The following PRSS23 variants were observed in gnomAD, a reference collection of about 807,000 sequenced individuals.
PRSS23 encodes serine protease 23, also known as protease, serine 23.
A neutral mutation model predicts 34.7 loss-of-function variants in PRSS23; 25 were observed. The observed-to-expected ratio is 0.72, with a 90% CI of 0.53 to 1.01. The LOEUF (loss-of-function observed/expected upper bound fraction) is 1.01. Among genes scored for constraint, PRSS23 ranks in the 50% least tolerant of loss-of-function variants. The pLI, the probability that PRSS23 is intolerant of heterozygous loss-of-function variation, is 0.00. For synonymous variants in PRSS23, 176 were observed against 186.6 expected (o/e 0.94, Z 0.46); for missense variants, 445 against 475.6 (o/e 0.94, Z 0.60).
intron 2 of PRSS23, among the ~76,000 whole-genome samples, chr11:86,875,542 A>G (rs1948717587): frequency 6.6e-6 from 1 of 152,214 alleles, no homozygotes; most frequent in African/African-American, 2.4e-5. Flanking sequence ...TTGTGAGTCT[A>G]TGGCATAAAG....
chr11:86,805,356 G>T (rs180770868), intron 1 of PRSS23, among the ~76,000 whole-genome samples: 1 of 152,336 alleles, frequency 6.6e-6, no homozygotes, highest in African/African-American at 2.4e-5. Context: ...CTCCATTGGA[G>T]AGGAGGACTC....
intron 2 of PRSS23, among the ~76,000 whole-genome samples, chr11:86,826,506 C>A (rs1229506369): frequency 1.3e-5 from 2 of 152,164 alleles, no homozygotes; most frequent in African/African-American, 2.4e-5. Context: ...CCTAATTGCC[C>A]TGGCCAGAAC....
At chr11:86,905,446 G>A (rs1346538400) in intron 2 of PRSS23, among the ~76,000 whole-genome samples, 1 of 152,120 alleles carries the variant, frequency 6.6e-6, no homozygotes, top group East Asian at 1.9e-4. Flanking sequence ...GAGGTGGAGA[G>A]TCATATATGA....
chr11:86,854,629 C>A (rs1292799990), intron 2 of PRSS23, among the ~76,000 whole-genome samples: 19 of 152,152 alleles, frequency 1.2e-4, no homozygotes, highest in Non-Finnish European at 2.9e-5. Context: ...TTCATTTAGG[C>A]ATGTTATAGT....
In PRSS23 at chr11:86,878,679, T is replaced by C. The variant is rs537708593; in HGVS notation, c.206+55086T>C. On this transcript the variant is annotated intron_variant, in intron 2 of 2. Transcript: ENST00000533902. ...GCCGAGATTGCAGCCTCTGCCCGGC[T>C]GCCACCCCGTCTGGGAAGTGAGGAG... 8.5e-3 allele frequency among the ~76,000 whole-genome samples: 1,284 copies of C among 151,708 alleles called. 15 individuals are homozygous for C. The highest frequency in any genetic ancestry group is 0.029 in the African/African-American group (1,215 of 41,350).
At chr11:86,915,592 T>A (rs1282598731) in intron 2 of PRSS23, among the ~76,000 whole-genome samples, 2 of 148,270 alleles carry the variant, frequency 1.3e-5, no homozygotes, top group African/African-American at 4.9e-5. Context: ...AATATATATA[T>A]AACATATAAT....
chr11:86,904,351 T>G (rs1429004700), intron 2 of PRSS23, among the ~76,000 whole-genome samples: 1 of 152,034 alleles, frequency 6.6e-6, no homozygotes, highest in Non-Finnish European at 1.5e-5. Flanking sequence ...CCTCATCTGC[T>G]TCCGTCCCCA....
chr11:86,869,051 G>A (rs1432131811), intron 2 of PRSS23, among the ~76,000 whole-genome samples: 2 of 152,060 alleles, frequency 1.3e-5, no homozygotes, highest in Non-Finnish European at 2.9e-5. Context: ...GGAGTCAAGC[G>A]ATCTGCCTGC....
Position 86,808,397 on chromosome 11 carries a change from C to G in PRSS23, c.754C>G (p.Leu252Val), listed in dbSNP as rs1164170223. 1 of 1,614,188 alleles carries G rather than the reference C, an allele frequency of 6.2e-7. No individual in the cohort carries two copies. The highest frequency in any genetic ancestry group is 2.2e-5 in the East Asian group (1 of 44,878). ...GMDYDYALLELKKPHKRKFMK... is the reference protein window; with the variant it reads ...GMDYDYALLEVKKPHKRKFMK... ...GGATTATGATTATGCCCTCCTGGAA[C>G]TCAAAAAGCCCCACAAGAGAAAATT... The change falls in exon 2 of 2, where the codon CTC (leucine) becomes GTC (valine). Residue 252 changes from leucine (L) to valine (V), a missense_variant. Leu to Val is a conservative substitution (Grantham distance 32). Coordinates refer to ENST00000280258, the MANE Select transcript of PRSS23 (RefSeq NM_007173.6).
At chr11:86,856,341 T>A (rs961582275) in intron 2 of PRSS23, among the ~76,000 whole-genome samples, 2 of 138,832 alleles carry the variant, frequency 1.4e-5, no homozygotes, top group African/African-American at 5.4e-5. Flanking sequence ...AAAAAAAAAA[T>A]CTGCATGCCC....
intron 2 of PRSS23, among the ~76,000 whole-genome samples, chr11:86,828,990 G>A (rs1021113326): frequency 1.1e-4 from 16 of 152,066 alleles, no homozygotes; most frequent in African/African-American, 2.7e-4. Flanking sequence ...TGCTCTTCTC[G>A]AGGAGTATCT....
intron 2 of PRSS23, among the ~76,000 whole-genome samples, chr11:86,863,406 A>G (rs115657703): frequency 0.12 from 17,153 of 144,556 alleles, 1,256 homozygotes; most frequent in Non-Finnish European, 0.17. Context: ...CCTTCATGGC[A>G]CCCAGAGGAT....
In PRSS23 at chr11:86,808,690, T is replaced by G; in HGVS notation, c.1047T>G (p.Asn349Lys). Residue 349 changes from asparagine (N) to lysine (K), a missense_variant, in exon 2 of 2, where the codon AAT becomes AAG. By Grantham distance (94) the Asn-to-Lys change is moderately conservative. Coordinates refer to ENST00000280258, the MANE Select transcript of PRSS23 (RefSeq NM_007173.6). The stretch of plus-strand genomic sequence containing the variant: ...CAGGGCACCAGTGGGTGGACATGAA[T>G]GGTTCCCCACAGGATTTCAACGTGG... ...IFSGHQWVDM[N>K]GSPQDFNVAV... 1 of 1,614,166 alleles carries G rather than the reference T, an allele frequency of 6.2e-7. No homozygotes were observed. The highest frequency in any genetic ancestry group is 8.5e-7 in the Non-Finnish European group (1 of 1,180,026).
At chr11:86,928,233 ATATAAG>A (rs888786869) in intron 2 of PRSS23, among the ~76,000 whole-genome samples, 8 of 148,238 alleles carry the variant, frequency 5.4e-5, no homozygotes, top group East Asian at 1.9e-4. Flanking sequence ...TATGTATTAT[ATATAAG>A]TATATGTATT....
intron 1 of PRSS23, among the ~76,000 whole-genome samples, chr11:86,793,191 G>A (rs1304420127): frequency 2.0e-5 from 3 of 152,120 alleles, no homozygotes; most frequent in Admixed American, 6.5e-5. Context: ...TGAGATAAAC[G>A]AGCTTAACTA....
At chr11:86,829,726 G>T (rs558807606) in intron 2 of PRSS23, among the ~76,000 whole-genome samples, 6 of 152,200 alleles carry the variant, frequency 3.9e-5, no homozygotes. Context: ...CTCAGCTGCA[G>T]GTCTGTTGGA....
chr11:86,874,757 T>C (rs1020601452), intron 2 of PRSS23, among the ~76,000 whole-genome samples: 5 of 152,188 alleles, frequency 3.3e-5, no homozygotes, highest in Admixed American at 6.5e-5. Context: ...GGATATTTTA[T>C]AGGGAGGATG....
intron 2 of PRSS23, among the ~76,000 whole-genome samples, chr11:86,875,906 T>C (rs995256016): frequency 6.6e-6 from 1 of 152,244 alleles, no homozygotes; most frequent in Non-Finnish European, 1.5e-5. Context: ...TAATAGTTGA[T>C]TGAAAAGTAC....
intron 2 of PRSS23, among the ~76,000 whole-genome samples, chr11:86,907,388 C>G (rs1207349742): frequency 6.6e-6 from 1 of 152,006 alleles, no homozygotes; most frequent in African/African-American, 2.4e-5. Context: ...GGGAAATTGT[C>G]ATTTTAAAAA....
Sources: allele counts gnomAD v4.1 joint callset (sites outside exome capture counted in the v4.1 genomes callset), GRCh38; gene constraint gnomAD v4.1.1; transcripts MANE v1.5; gene names NCBI Gene and HGNC (gene_info 2026-07-23, HGNC 2026-07-21).